Variants in MPPE1 observed in about 807,000 individuals in gnomAD.
MPPE1 encodes metallophosphoesterase 1, also known as metallo phosphoesterase.
Under a neutral mutation model 43.8 loss-of-function variants are expected in MPPE1, and 28 were observed. The observed-to-expected ratio is 0.64, with a 90% CI of 0.47 to 0.88. MPPE1 has a LOEUF of 0.88. MPPE1 is among the 40% of genes least tolerant of loss of function. The pLI, the probability that MPPE1 is intolerant of heterozygous loss-of-function variation, is 0.00. For synonymous variants in MPPE1, 159 were observed against 188.5 expected (o/e 0.84, Z 1.28); for missense variants, 428 against 492.2 (o/e 0.87, Z 1.23).
rs746333318 is a variant in MPPE1 at position 11,889,409 on chromosome 18, G to A, written c.472C>T (p.His158Tyr). Reference sequence around the variant, plus strand: ...TACTCATAATGGAAGCCAATGTCATGGTTTCCAGCAACTACCTTCAGCTGT... The same window carrying A: ...TACTCATAATGGAAGCCAATGTCATAGTTTCCAGCAACTACCTTCAGCTGT... ...HVQLKVVAGN[H>Y]DIGFHYEMNT... Residue 158 changes from histidine (H) to tyrosine (Y), a missense_variant, in exon 5 of 11, where the codon CAT (histidine) becomes TAT (tyrosine). Coordinates refer to ENST00000588072, the MANE Select transcript of MPPE1 (RefSeq NM_023075.6). 6.2e-7 allele frequency: 1 copy of A among 1,612,198 alleles called. No homozygotes were observed. Among genetic ancestry groups the A allele is most frequent in the Non-Finnish European group, 8.5e-7 (1 of 1,178,988 alleles).
intron 3 of MPPE1, among the ~76,000 whole-genome samples, chr18:11,896,655 T>C (rs909814246): frequency 1.2e-4 from 19 of 152,312 alleles, no homozygotes; most frequent in African/African-American, 4.6e-4. Flanking sequence ...CCAGGCATTG[T>C]GTAGCATCTT....
intron 2 of MPPE1, among the ~76,000 whole-genome samples, chr18:11,903,675 A>G (rs1025882605): frequency 6.6e-6 from 1 of 152,154 alleles, no homozygotes; most frequent in Admixed American, 6.5e-5. Flanking sequence ...GCGTGGTTGC[A>G]GGTGCCTATA....
chr18:11,885,667 T>A lies in MPPE1; in HGVS notation c.1008+9A>T. 6.2e-7 allele frequency: 1 copy of A among 1,608,460 alleles called. No individual in the cohort carries two copies. The highest frequency in any genetic ancestry group is 1.1e-5 in the South Asian group (1 of 90,886). Reference sequence around the variant, plus strand: ...AAAGCTTTCAGACAAAAATAAACTTTCACGTTACCATGATGAAACTGGGGT... The same window carrying A: ...AAAGCTTTCAGACAAAAATAAACTTACACGTTACCATGATGAAACTGGGGT... On this transcript the variant is annotated intron_variant, in intron 10 of 10. Transcript: ENST00000588072.
In MPPE1 at chr18:11,888,697, C is replaced by G; in HGVS notation, c.541G>C (p.Glu181Gln). 6.2e-7 allele frequency: 1 copy of G among 1,600,340 alleles called. No individual in the cohort carries two copies. The highest frequency in any genetic ancestry group is 1.1e-5 in the South Asian group (1 of 88,526). ...ATGCCTTTCCAAGAAAACAGTCTTT[C>G]AGAGCTGAACACTTTCTCAAAGCGT... ...VERFEKVFSSERLFSWKGINF... is the reference protein window; with the variant it reads ...VERFEKVFSSQRLFSWKGINF... Residue 181 changes from glutamate to glutamine, a missense_variant, in exon 6 of 11, where the codon GAA becomes CAA. Glu to Gln is a conservative substitution (Grantham distance 29). Around this residue, in one of 3 missense-constraint regions of MPPE1, gnomAD observed 379 missense variants for 402.5 expected, o/e 0.94. Transcript: ENST00000588072.
chr18:11,883,480 G>T lies in MPPE1; in HGVS notation c.*965C>A, dbSNP rs150061443. On this transcript the variant is annotated 3_prime_UTR_variant, in exon 11 of 11. Coordinates refer to ENST00000588072, the MANE Select transcript of MPPE1 (RefSeq NM_023075.6). ...AAACAAAAAGAATAACTTTTATCTG[G>T]CTTACAATTATTAAAGCATTTATTT... The T allele has an allele frequency of 4.0e-4, 62 of 153,582 alleles. No homozygotes were observed. The highest frequency in any genetic ancestry group is 6.3e-4 in the Non-Finnish European group (43 of 68,020). The allele number at this position is 153,582 out of a possible 1,614,324, so 9.5% of individuals were successfully genotyped here. A position where few individuals can be genotyped will look rare whatever the true frequency, so the allele number is the denominator to read the frequency against.
chr18:11,884,990 CAAG>C (rs1273957265), intron 10 of MPPE1: 2 of 1,302,036 alleles, frequency 1.5e-6, no homozygotes, highest in South Asian at 2.5e-5. Flanking sequence ...CAGCGAGGAA[CAAG>C]GAGGGAAAGG....
At chr18:11,888,625 T>C in intron 6 of MPPE1, 44 bp downstream of exon 6, 4 of 1,267,604 alleles carry the variant, frequency 3.2e-6, no homozygotes, top group Non-Finnish European at 4.5e-6. Context: ...AAATGAAGTT[T>C]CCAAGGACTA....
chr18:11,885,107 C>T (rs1229145397), intron 10 of MPPE1: 3 of 1,152,486 alleles, frequency 2.6e-6, no homozygotes, highest in Non-Finnish European at 3.4e-6. Context: ...TTATGTGGAA[C>T]AACAGTGGCA....
At chr18:11,892,118 T>C (rs1023283764) in intron 4 of MPPE1, among the ~76,000 whole-genome samples, 1 of 152,014 alleles carries the variant, frequency 6.6e-6, no homozygotes, top group South Asian at 2.1e-4. Context: ...GGTGGGCAGA[T>C]TGCCTGAGCT....
Position 11,893,548 on chromosome 18 carries a change from T to C in MPPE1, c.310A>G (p.Thr104Ala), listed in dbSNP as rs1431631756. 1.2e-6 allele frequency: 2 copies of C among 1,613,964 alleles called. No homozygotes were observed. The highest frequency in any genetic ancestry group is 2.7e-5 in the African/African-American group (2 of 74,912). ...REWQMERAFQ[T>A]ALWLLQPEVV... ...TCCGGCTGCAGCAACCACAGAGCTG[T>C]CTGGAACGCTCTCTCCATCTGCCAT... The change falls in exon 4 of 11, where the codon ACA becomes GCA. Residue 104 changes from threonine (T) to alanine (A), a missense_variant. Coordinates refer to ENST00000588072, the MANE Select transcript of MPPE1 (RefSeq NM_023075.6).
chr18:11,888,497 C>A (rs567369215), intron 6 of MPPE1, among the ~76,000 whole-genome samples, 172 bp downstream of exon 6: 3 of 152,074 alleles, frequency 2.0e-5, no homozygotes, highest in Non-Finnish European at 4.4e-5. Flanking sequence ...TCCCATCTAT[C>A]GGCTCCCATG....
chr18:11,904,808 T>C (rs1211986324), intron 2 of MPPE1, among the ~76,000 whole-genome samples: 1 of 151,848 alleles, frequency 6.6e-6, no homozygotes. Flanking sequence ...CCGGGTGTGG[T>C]TGAGTGAGCG....
chr18:11,904,188 G>GTTA (rs372740228), intron 2 of MPPE1, among the ~76,000 whole-genome samples: 26,363 of 152,126 alleles, frequency 0.17, 2,629 homozygotes, highest in South Asian at 0.33. Context: ...GAGCAGAAGG[G>GTTA]GATGGGGGAG....
At chr18:11,884,773 G>A in intron 10 of MPPE1, 146 bp from the exon 11 acceptor site, 1 of 1,330,244 alleles carries the variant, frequency 7.5e-7, no homozygotes, top group Non-Finnish European at 1.0e-6. Context: ...GACCAAGGGG[G>A]CCCAGCCTTC....
chr18:11,885,816 G>A lies in MPPE1; in HGVS notation c.868C>T (p.Leu290=). ...DVLSREASQK[L]LWWLQPRLVL... is the part of the protein sequence containing the mutation. ...AGGCGCGGCTGGAGCCACCACAGCA[G>A]CTGACAGTGGCCGAGAAGACAGCAA... The change falls in exon 10 of 11, where the codon CTG becomes TTG. Residue 290 remains leucine (L), a splice_region_variant and synonymous_variant. Coordinates refer to ENST00000588072, the MANE Select transcript of MPPE1 (RefSeq NM_023075.6). The A allele has an allele frequency of 6.2e-7, 1 of 1,603,268 alleles. No homozygotes were observed. Among genetic ancestry groups the A allele is most frequent in the Non-Finnish European group, 8.5e-7 (1 of 1,171,996 alleles).
intron 3 of MPPE1, among the ~76,000 whole-genome samples, chr18:11,894,649 G>A (rs2038393240): frequency 6.6e-6 from 1 of 152,124 alleles, no homozygotes; most frequent in African/African-American, 2.4e-5. Flanking sequence ...GGAGTACAAT[G>A]GTGTGATCTC....
At chr18:11,890,311 ATTTTGTTGTTT>A (rs1057473386) in intron 4 of MPPE1, among the ~76,000 whole-genome samples, 5 of 151,534 alleles carry the variant, frequency 3.3e-5, no homozygotes, top group African/African-American at 1.2e-4. Context: ...TTTTTGTTTT[ATTTTGTTGTTT>A]TTTTGAGACA....
rs1246400322 is a variant in MPPE1 at position 11,886,584 on chromosome 18, G to C, written c.782C>G (p.Ser261Cys). ...CTCTGCAGGAGCAGCGTCTTCCCCA[G>C]AACAGTTAGCATCACTTCTCCGATA... ...PLYRRSDANC[S>C]GEDAAPAEER... Residue 261 changes from serine to cysteine, a missense_variant, in exon 9 of 11, where the codon TCT (serine) becomes TGT (cysteine). This residue lies in a region of MPPE1 where 379 missense variants were observed against 402.5 expected (regional missense o/e 0.94). Coordinates refer to ENST00000588072, the MANE Select transcript of MPPE1 (RefSeq NM_023075.6). The surrounding 1 kb of genome is among the most constrained non-coding windows in gnomAD (Gnocchi z 4.1). The C allele has an allele frequency of 3.0e-5, 49 of 1,614,070 alleles. No homozygotes were observed. The highest frequency in any genetic ancestry group is 3.9e-5 in the Non-Finnish European group (46 of 1,180,044).
At position 11,886,339 on chromosome 18, in the gene MPPE1, A is replaced by G. The variant is rs1339435540; in HGVS notation, c.867+160T>C. ...AAGCGATTAAATGAAAATCTGAGAT[A>G]CTGTGAAAGCCAGGCCTCCACCCCT... is the stretch of plus-strand genomic sequence containing the variant. On this transcript the variant is annotated intron_variant, in intron 9 of 10. Coordinates refer to ENST00000588072, the MANE Select transcript of MPPE1 (RefSeq NM_023075.6). This position sits in a 1 kb window ranked among gnomAD's most constrained non-coding sequence, Gnocchi z 4.1. 4 of 941,730 alleles carry G rather than the reference A, an allele frequency of 4.2e-6. No homozygotes were observed. Among genetic ancestry groups the G allele is most frequent in the African/African-American group, 1.7e-5 (1 of 59,942 alleles). The allele number at this position is 941,730 out of a possible 1,614,324, so 58.3% of individuals were successfully genotyped here. A position where few individuals can be genotyped will look rare whatever the true frequency, so the allele number is the denominator to read the frequency against.
Sources: allele counts gnomAD v4.1 joint callset (sites outside exome capture counted in the v4.1 genomes callset), GRCh38; gene constraint gnomAD v4.1.1; regional missense constraint gnomAD v4.1.1; non-coding constraint Gnocchi (gnomAD v3.1); transcripts MANE v1.5; gene names NCBI Gene and HGNC (gene_info 2026-07-23, HGNC 2026-07-21).